The following NELL1 variants were observed in gnomAD, a reference collection of about 807,000 sequenced individuals.
NELL1 encodes neural EGFL like 1, also known as protein kinase C-binding protein NELL1.
In NELL1, 76 loss-of-function variants were observed where a neutral mutation model predicts 107.4. The ratio of observed to expected loss-of-function variants is 0.71; its 90% CI spans 0.59 to 0.86. NELL1 has a LOEUF of 0.86. NELL1 is among the 40% of genes least tolerant of loss of function. NELL1 has a pLI of 0.00. For missense variants in NELL1, 1,024 were observed against 1,005.5 expected, an observed-to-expected ratio of 1.02 and a Z score of -0.25; for synonymous variants, 353 against 341.2, an observed-to-expected ratio of 1.03 and a Z score of -0.38.
At chr11:21,113,768 G>T (rs1455909929) in intron 13 of NELL1, 54 bp downstream of exon 13, 2 of 1,576,750 alleles carry the variant, frequency 1.3e-6, no homozygotes, top group East Asian at 2.3e-5. Context: ...TCTGCACCAT[G>T]TCTGTGTTAT....
chr11:21,066,615 T>A (rs1285221931), intron 12 of NELL1, among the ~76,000 whole-genome samples: 1 of 152,184 alleles, frequency 6.6e-6, no homozygotes, highest in Non-Finnish European at 1.5e-5. Context: ...TGCCTATCTT[T>A]CAGGAAGTAT....
intron 12 of NELL1, among the ~76,000 whole-genome samples, chr11:21,036,293 A>G (rs933065937): frequency 3.9e-5 from 6 of 152,194 alleles, no homozygotes; most frequent in African/African-American, 1.4e-4. Context: ...AATATCATTA[A>G]AATGGTCATA....
At chr11:21,524,385 A>G (rs544864299) in intron 15 of NELL1, among the ~76,000 whole-genome samples, 1 of 152,306 alleles carries the variant, frequency 6.6e-6, no homozygotes, top group East Asian at 1.9e-4. Context: ...TTTAATAGAG[A>G]AACTGTAAGA....
At chr11:21,568,263 TACATATA>T (rs201240623) in intron 17 of NELL1, among the ~76,000 whole-genome samples, 3,398 of 151,790 alleles carry the variant, frequency 0.022, 57 homozygotes, top group Non-Finnish European at 0.037. Context: ...ACAATAACAA[TACATATA>T]AAAGACAAAA....
intron 3 of NELL1, among the ~76,000 whole-genome samples, chr11:20,838,160 A>C (rs1170186681): frequency 6.6e-6 from 1 of 151,736 alleles, no homozygotes; most frequent in African/African-American, 2.4e-5. Flanking sequence ...ATTCCTCCCC[A>C]AAAGTGACAA....
At chr11:21,526,885 G>A (rs1197428169) in intron 15 of NELL1, among the ~76,000 whole-genome samples, 2 of 152,228 alleles carry the variant, frequency 1.3e-5, no homozygotes, top group Non-Finnish European at 2.9e-5. Flanking sequence ...GATGGGAGGA[G>A]CTGCTGGGAA....
chr11:21,479,498 C>T (rs1442796838), intron 15 of NELL1, among the ~76,000 whole-genome samples: 2 of 151,886 alleles, frequency 1.3e-5, no homozygotes, highest in Non-Finnish European at 2.9e-5. Flanking sequence ...AAACAGTTAA[C>T]TAATAGAGAT....
At chr11:21,504,082 C>G (rs1384598072) in intron 15 of NELL1, 1 of 152,176 alleles carries the variant, frequency 6.6e-6, no homozygotes. Context: ...TTCTCTCTTT[C>G]TAGTGGTGAG....
Position 20,692,120 on chromosome 11 carries a change from C to G in NELL1, c.184+14060C>G, listed in dbSNP as rs529042970. 4.5e-3 allele frequency among the ~76,000 whole-genome samples: 682 copies of G among 151,808 alleles called. 3 individuals are homozygous for G. The highest frequency in any genetic ancestry group is 0.013 in the African/African-American group (548 of 41,398). On this transcript the variant is annotated intron_variant, in intron 2 of 19. Transcript: ENST00000357134. ...ATGGTAGTTTGTATTTCTGTGGGAT[C>G]GGTGGTGATATCCCCTTTATCATTT...
At chr11:20,748,119 C>T (rs1007257334) in intron 2 of NELL1, among the ~76,000 whole-genome samples, 3 of 152,160 alleles carry the variant, frequency 2.0e-5, no homozygotes, top group African/African-American at 7.2e-5. Context: ...TTTTTGTCCT[C>T]TTGCTCCATC....
intron 15 of NELL1, among the ~76,000 whole-genome samples, chr11:21,382,533 T>G (rs1851638176): frequency 6.6e-6 from 1 of 151,944 alleles, no homozygotes. Flanking sequence ...ATCACTTCAA[T>G]TCAAACCTTA....
intron 2 of NELL1, among the ~76,000 whole-genome samples, chr11:20,721,524 G>C (rs1483547724): frequency 1.3e-5 from 2 of 152,000 alleles, no homozygotes; most frequent in East Asian, 3.9e-4. Context: ...AGCATCTACT[G>C]GCATTTAAAG....
At chr11:21,374,092 A>G (rs1851414655) in intron 15 of NELL1, among the ~76,000 whole-genome samples, 1 of 152,152 alleles carries the variant, frequency 6.6e-6, no homozygotes, top group Non-Finnish European at 1.5e-5. Context: ...CTAAATCCAG[A>G]GATATGTTAA....
intron 2 of NELL1, among the ~76,000 whole-genome samples, chr11:20,760,003 GGAGA>G (rs1299926904): frequency 6.6e-6 from 1 of 152,210 alleles, no homozygotes; most frequent in Non-Finnish European, 1.5e-5. Context: ...GGCCTGGGGA[GGAGA>G]GAGAGATACT....
intron 11 of NELL1, among the ~76,000 whole-genome samples, chr11:20,959,979 A>G (rs1450617452): frequency 1.3e-5 from 2 of 152,186 alleles, no homozygotes; most frequent in Non-Finnish European, 2.9e-5. Flanking sequence ...AAAATTGAGG[A>G]TAGTTATCTC....
chr11:21,411,675 T>A (rs1488992066), intron 15 of NELL1, among the ~76,000 whole-genome samples: 1 of 152,084 alleles, frequency 6.6e-6, no homozygotes, highest in South Asian at 2.1e-4. Context: ...AGAAAATTAA[T>A]GCAAGCATAT....
intron 15 of NELL1, among the ~76,000 whole-genome samples, chr11:21,490,487 G>C (rs1418266365): frequency 7.8e-6 from 1 of 127,504 alleles, no homozygotes; most frequent in Admixed American, 7.6e-5. Context: ...AGCCAGAATA[G>C]CCAAAGCAAT....
At chr11:20,998,890 G>A (rs549643649) in intron 12 of NELL1, among the ~76,000 whole-genome samples, 1 of 152,232 alleles carries the variant, frequency 6.6e-6, no homozygotes, top group East Asian at 1.9e-4. Context: ...CCTTCTTTCT[G>A]TAAACTCAGC....
chr11:21,369,362 A>ATTTTT (rs34302489), intron 14 of NELL1, among the ~76,000 whole-genome samples: 10 of 110,412 alleles, frequency 9.1e-5, no homozygotes, highest in Admixed American at 9.9e-5. Flanking sequence ...GGTAGGTACT[A>ATTTTT]TTTTTTTTTT....
Sources: allele counts gnomAD v4.1 joint callset (sites outside exome capture counted in the v4.1 genomes callset), GRCh38; gene constraint gnomAD v4.1.1; transcripts MANE v1.5; gene names NCBI Gene and HGNC (gene_info 2026-07-23, HGNC 2026-07-21).